NRCAM: variants seen among roughly 807,000 people sequenced by gnomAD.
NRCAM encodes the protein NgCAM-related cell adhesion molecule.
In NRCAM, 83 loss-of-function variants were observed where a neutral mutation model predicts 156.5. The observed-to-expected ratio is 0.53, with a 90% CI of 0.44 to 0.64. The LOEUF (loss-of-function observed/expected upper bound fraction) is 0.64. Ranked by LOEUF, NRCAM falls within the 30% of genes least tolerant of loss-of-function variation. NRCAM has a pLI of 0.00. For synonymous variants in NRCAM, 538 were observed against 563.9 expected (o/e 0.95, Z 0.65); for missense variants, 1,417 against 1,597.3 (o/e 0.89, Z 1.92).
chr7:108,282,360 A>G (rs564842410), intron 3 of NRCAM, among the ~76,000 whole-genome samples: 8 of 152,184 alleles, frequency 5.3e-5, no homozygotes, highest in Non-Finnish European at 8.8e-5. Flanking sequence ...AAATCTATAC[A>G]CATTTTCTTT....
chr7:108,381,000 T>C (rs765470230), intron 2 of NRCAM, among the ~76,000 whole-genome samples: 2 of 152,132 alleles, frequency 1.3e-5, no homozygotes, highest in African/African-American at 2.4e-5. Flanking sequence ...AGCTCAGGTG[T>C]TTGAGTCCTG....
chr7:108,267,428 G>A (rs1162348060), intron 3 of NRCAM, among the ~76,000 whole-genome samples: 3 of 152,184 alleles, frequency 2.0e-5, no homozygotes, highest in African/African-American at 7.2e-5. Context: ...GGGTTCTTGG[G>A]CACTTGGCTT....
intron 11 of NRCAM, among the ~76,000 whole-genome samples, chr7:108,216,801 T>C (rs576060794): frequency 2.7e-4 from 41 of 152,326 alleles, no homozygotes; most frequent in Admixed American, 7.2e-4. Flanking sequence ...GTTATTCTAA[T>C]TAGCAATTCC....
chr7:108,266,912 C>A (rs1428747263), intron 3 of NRCAM, among the ~76,000 whole-genome samples: 1 of 152,242 alleles, frequency 6.6e-6, no homozygotes, highest in African/African-American at 2.4e-5. Context: ...ACCCCGCTAA[C>A]AAGTTATCCT....
At chr7:108,281,825 G>A (rs1385789523) in intron 3 of NRCAM, among the ~76,000 whole-genome samples, 1 of 152,252 alleles carries the variant, frequency 6.6e-6, no homozygotes, top group Non-Finnish European at 1.5e-5. Flanking sequence ...TGGGCAAACT[G>A]GATGTAATAA....
At chr7:108,424,995 G>T (rs1385838495) in intron 1 of NRCAM, among the ~76,000 whole-genome samples, 1 of 152,124 alleles carries the variant, frequency 6.6e-6, no homozygotes, top group Non-Finnish European at 1.5e-5. Context: ...CATAGCTAGT[G>T]CATAGATAAG....
chr7:108,250,369 T>A (rs1439820994), intron 3 of NRCAM, among the ~76,000 whole-genome samples: 1 of 134,242 alleles, frequency 7.4e-6, no homozygotes, highest in Non-Finnish European at 1.5e-5. Flanking sequence ...AAGGTTGCAG[T>A]GAGCCAAGAT....
In NRCAM at chr7:108,236,429, C is replaced by A. The variant is rs145889875; in HGVS notation, c.124+1323G>T. Among the ~76,000 whole-genome samples, 728 of 152,212 alleles carry A rather than the reference C, an allele frequency of 4.8e-3. 13 individuals carry two copies. The highest frequency in any genetic ancestry group is 0.017 in the African/African-American group (695 of 41,552). ...CTTGTCTTTCCAGCTGCCCTTCCCC[C>A]CTCCGTCATCCATATGGAATCCTCA... On this transcript the variant is annotated intron_variant, in intron 5 of 32. Coordinates refer to ENST00000379028, the MANE Select transcript of NRCAM (RefSeq NM_001037132.4).
chr7:108,226,444 G>C, intron 8 of NRCAM, 66 bp from the exon 9 acceptor site: 1 of 1,126,832 alleles, frequency 8.9e-7, no homozygotes, highest in Non-Finnish European at 1.3e-6. Context: ...AAATTAGCAA[G>C]ATAAATGTAC....
intron 3 of NRCAM, among the ~76,000 whole-genome samples, chr7:108,272,395 AG>A (rs1483617631): frequency 1.3e-5 from 2 of 152,318 alleles, no homozygotes; most frequent in South Asian, 2.1e-4. Context: ...CTCCTAAAGT[AG>A]GGGTTAGTGC....
intron 1 of NRCAM, among the ~76,000 whole-genome samples, chr7:108,450,783 A>G (rs1400568427): frequency 6.6e-6 from 1 of 152,182 alleles, no homozygotes; most frequent in Non-Finnish European, 1.5e-5. Flanking sequence ...CACAACATCA[A>G]TTTCTTGCTT....
chr7:108,403,148 CA>C (rs773846203), intron 1 of NRCAM, among the ~76,000 whole-genome samples: 9 of 152,198 alleles, frequency 5.9e-5, no homozygotes, highest in Non-Finnish European at 1.2e-4. Context: ...GCCATTCTTA[CA>C]GCTACATTTC....
At chr7:108,282,814 G>A (rs1020170556) in intron 3 of NRCAM, among the ~76,000 whole-genome samples, 16 of 152,138 alleles carry the variant, frequency 1.1e-4, no homozygotes, top group Non-Finnish European at 5.9e-5. Context: ...TAAAAGACAC[G>A]ACCTTCAAAT....
chr7:108,159,310 G>C, intron 32 of NRCAM, 153 bp downstream of exon 32: 4 of 770,248 alleles, frequency 5.2e-6, no homozygotes, highest in Non-Finnish European at 9.4e-6. Flanking sequence ...TTGACCATGA[G>C]GGACATGTAA....
chr7:108,166,983 C>T lies in NRCAM; in HGVS notation c.3404G>A (p.Arg1135Gln), dbSNP rs772589190. ...ACCAGAGTCCCCCACAGCACCAACTCGAACTTTGTATGCTGTTCCTGGCAT... is the reference window on the plus strand; with the variant it reads ...ACCAGAGTCCCCCACAGCACCAACTTGAACTTTGTATGCTGTTCCTGGCAT... ...GLMPGTAYKVRVGAVGDSGFV... is the reference protein window; with the variant it reads ...GLMPGTAYKVQVGAVGDSGFV... Residue 1135 changes from arginine to glutamine, a missense_variant, in exon 30 of 33, where the codon CGA (arginine) becomes CAA (glutamine). Around this residue, in one of 2 missense-constraint regions of NRCAM, gnomAD observed 179 missense variants for 260.9 expected, o/e 0.69. Coordinates refer to ENST00000379028, the MANE Select transcript of NRCAM (RefSeq NM_001037132.4). The T allele has an allele frequency of 1.1e-5, 17 of 1,613,794 alleles. No homozygotes were observed. Among genetic ancestry groups the T allele is most frequent in the South Asian group, 7.7e-5 (7 of 91,076 alleles).
At chr7:108,202,782 A>G (rs146269869) in intron 13 of NRCAM, among the ~76,000 whole-genome samples, 2 of 152,322 alleles carry the variant, frequency 1.3e-5, no homozygotes, top group African/African-American at 4.8e-5. Flanking sequence ...AGTGCCAGGA[A>G]GAGGTCTTCT....
chr7:108,216,679 T>C (rs1417963380), intron 11 of NRCAM, among the ~76,000 whole-genome samples: 1 of 152,218 alleles, frequency 6.6e-6, no homozygotes, highest in Non-Finnish European at 1.5e-5. Context: ...CTATCTCTGT[T>C]ATCCTTTCTT....
chr7:108,165,482 T>A (rs1485118698), intron 30 of NRCAM, among the ~76,000 whole-genome samples: 1 of 152,246 alleles, frequency 6.6e-6, no homozygotes, highest in African/African-American at 2.4e-5. Context: ...CAGCTATATA[T>A]GAAGATAATA....
At chr7:108,165,907 C>T (rs1034745970) in intron 30 of NRCAM, among the ~76,000 whole-genome samples, 1 of 152,168 alleles carries the variant, frequency 6.6e-6, no homozygotes, top group African/African-American at 2.4e-5. Context: ...GGGGTATGAA[C>T]CACAGAGTGA....
Sources: allele counts gnomAD v4.1 joint callset (sites outside exome capture counted in the v4.1 genomes callset), GRCh38; gene constraint gnomAD v4.1.1; regional missense constraint gnomAD v4.1.1; transcripts MANE v1.5; gene names NCBI Gene and HGNC (gene_info 2026-07-23, HGNC 2026-07-21).